Variants in NRP1 observed in about 807,000 individuals in gnomAD.
NRP1 encodes neuropilin 1.
In NRP1, 35 loss-of-function variants were observed where a neutral mutation model predicts 106.7. That is an observed-to-expected ratio of 0.33 (90% CI 0.25 to 0.43). The LOEUF (loss-of-function observed/expected upper bound fraction) is 0.43, where lower values mean the gene tolerates loss of function less well. Ranked by LOEUF, NRP1 falls within the 20% of genes least tolerant of loss-of-function variation. NRP1 has a pLI of 1.00. For missense variants in NRP1, 1,024 were observed against 1,170.4 expected (o/e 0.87, Z 1.83); for synonymous variants, 437 against 417.9 (o/e 1.05, Z -0.56).
chr10:33,179,743 C>T lies in NRP1; in HGVS notation c.*333G>A. ...CAGCATCTTGGATTTCGCTCAGTTT[C>T]CAAAAAGAATCCACAAAGGGGAGAG... On this transcript the variant is annotated 3_prime_UTR_variant, in exon 17 of 17. Coordinates refer to ENST00000374867, the MANE Select transcript of NRP1 (RefSeq NM_003873.7). 1 of 250,498 alleles carries T rather than the reference C, an allele frequency of 4.0e-6. No individual in the cohort carries two copies. The highest frequency in any genetic ancestry group is 5.0e-5 in the Admixed American group (1 of 20,128). The allele number at this position is 250,498 out of a possible 1,614,324, so 15.5% of individuals were successfully genotyped here.
chr10:33,329,919 T>G (rs1358640087), intron 2 of NRP1, among the ~76,000 whole-genome samples: 1 of 152,328 alleles, frequency 6.6e-6, no homozygotes, highest in South Asian at 2.1e-4. Flanking sequence ...TACCAGTTCT[T>G]TCACATAAAG....
At chr10:33,233,382 C>A (rs192612187) in intron 6 of NRP1, among the ~76,000 whole-genome samples, 5 of 152,168 alleles carry the variant, frequency 3.3e-5, no homozygotes, top group Admixed American at 6.5e-5. Context: ...GAAACACATT[C>A]CCCAGACAAA....
Position 33,334,407 on chromosome 10 carries a change from A to G in NRP1, c.-25T>C. 1 of 1,538,736 alleles carries G rather than the reference A, an allele frequency of 6.5e-7. No individual in the cohort carries two copies. Among genetic ancestry groups the G allele is most frequent in the Non-Finnish European group, 8.7e-7 (1 of 1,143,480 alleles). ...TTCTCCCTTCTCCGGGTCCGCAGGCAGACGCGGGAGAACGAGGACGTGGGG... is the reference window on the plus strand; with the variant it reads ...TTCTCCCTTCTCCGGGTCCGCAGGCGGACGCGGGAGAACGAGGACGTGGGG... On this transcript the variant is annotated 5_prime_UTR_variant, in exon 1 of 17. Transcript: ENST00000374867.
In NRP1 at chr10:33,334,548, C is replaced by G; in HGVS notation, c.-166G>C. 1 of 564,360 alleles carries G rather than the reference C, an allele frequency of 1.8e-6. No homozygotes were observed. Among genetic ancestry groups the G allele is most frequent in the Non-Finnish European group, 3.0e-6 (1 of 327,956 alleles). 35.0% of individuals were successfully genotyped at this position (564,360 alleles called of 1,614,324 possible). ...AAAGCAGCGAGGCAATGCCTGGATC[C>G]GAGAGGAACGCTTCTCTTTTTGTGT... On this transcript the variant is annotated 5_prime_UTR_variant, in exon 1 of 17. Transcript: ENST00000374867.
chr10:33,285,332 T>C (rs1296556959), intron 2 of NRP1, among the ~76,000 whole-genome samples: 2 of 152,136 alleles, frequency 1.3e-5, no homozygotes, highest in Admixed American at 6.5e-5. Context: ...ATTTTATAGA[T>C]GGAAAAACTG....
At chr10:33,307,244 G>C (rs1446550502) in intron 2 of NRP1, among the ~76,000 whole-genome samples, 2 of 152,166 alleles carry the variant, frequency 1.3e-5, no homozygotes, top group Admixed American at 1.3e-4. Context: ...TTAAGACAGA[G>C]GTCAGCAAAC....
chr10:33,300,221 A>C (rs566475469), intron 2 of NRP1, among the ~76,000 whole-genome samples: 2 of 152,326 alleles, frequency 1.3e-5, no homozygotes, highest in East Asian at 3.9e-4. Flanking sequence ...CAAGGGGACA[A>C]GAAAGTTCCT....
chr10:33,223,409 C>G (rs1005347326), intron 7 of NRP1, among the ~76,000 whole-genome samples: 7 of 151,620 alleles, frequency 4.6e-5, no homozygotes. Flanking sequence ...TTGCTTGAGG[C>G]CAGGAGTTTG....
chr10:33,233,150 G>A (rs980962196), intron 6 of NRP1, among the ~76,000 whole-genome samples: 15 of 152,118 alleles, frequency 9.9e-5, no homozygotes, highest in African/African-American at 3.6e-4. Context: ...GAAACCCCAA[G>A]CCTTTCCTTC....
intron 6 of NRP1, among the ~76,000 whole-genome samples, chr10:33,234,686 G>A (rs907097072): frequency 3.3e-5 from 5 of 152,116 alleles, no homozygotes; most frequent in East Asian, 3.9e-4. Context: ...GAAGAACAGC[G>A]CAAGGCAGGA....
rs751789763 is a variant in NRP1 at position 33,330,752 on chromosome 10, C to T, written c.204G>A (p.Met68Ile). 1 of 1,613,582 alleles carries T rather than the reference C, an allele frequency of 6.2e-7. No individual in the cohort carries two copies. Among genetic ancestry groups the T allele is most frequent in the South Asian group, 1.1e-5 (1 of 90,968 alleles). The change falls in exon 2 of 17, where the codon ATG becomes ATA. Residue 68 changes from methionine (M) to isoleucine (I), a missense_variant. Transcript: ENST00000374867. ...IQAPDPYQRIMINFNPHFDLE... is the reference protein window; with the variant it reads ...IQAPDPYQRIIINFNPHFDLE... Reference sequence around the variant, plus strand: ...AATCGAAGTGAGGGTTGAAGTTGATCATAATTCTCTGGTATGGGTCCGGAG... The same window carrying T: ...AATCGAAGTGAGGGTTGAAGTTGATTATAATTCTCTGGTATGGGTCCGGAG...
chr10:33,194,595 C>T, intron 12 of NRP1: 2 of 409,348 alleles, frequency 4.9e-6, no homozygotes, highest in Non-Finnish European at 1.0e-5. Context: ...CAATGTCCTT[C>T]CCCATCCTGT....
At chr10:33,298,698 G>A (rs377320660) in intron 2 of NRP1, among the ~76,000 whole-genome samples, 1 of 152,026 alleles carries the variant, frequency 6.6e-6, no homozygotes, top group East Asian at 1.9e-4. Context: ...TGTATTCTTA[G>A]GCAGATCTTT....
intron 12 of NRP1, among the ~76,000 whole-genome samples, chr10:33,193,751 C>A (rs991172195): frequency 1.3e-5 from 2 of 152,158 alleles, no homozygotes; most frequent in African/African-American, 4.8e-5. Flanking sequence ...CATGGCCCCT[C>A]CCCCAATGGC....
At position 33,186,399 on chromosome 10, in the gene NRP1, A is replaced by G. The variant is rs746941565; in HGVS notation, c.2152T>C (p.Ser718Pro). Residue 718 changes from serine to proline, a missense_variant, in exon 14 of 17, where the codon TCT (serine) becomes CCT (proline). Ser to Pro is a moderately conservative substitution (Grantham distance 74). Coordinates refer to ENST00000374867, the MANE Select transcript of NRP1 (RefSeq NM_003873.7). ...TACCAGAAGGTCATGCAGTGGGCAG[A>G]GTTCTGGGAATAAACCACAGGGCTC... Reference protein sequence around the residue: ...LVSPVVYSQNSAHCMTFWYHM... With the variant: ...LVSPVVYSQNPAHCMTFWYHM... 2.5e-6 allele frequency: 4 copies of G among 1,614,158 alleles called. No homozygotes were observed. Among genetic ancestry groups the G allele is most frequent in the Non-Finnish European group, 3.4e-6 (4 of 1,180,026 alleles).
At chr10:33,254,287 A>C in intron 5 of NRP1, 93 bp from the exon 6 acceptor site, 1 of 1,145,154 alleles carries the variant, frequency 8.7e-7, no homozygotes, top group Non-Finnish European at 1.2e-6. Context: ...GAGTTCTTTC[A>C]TTCAAAATTC....
chr10:33,182,853 A>G (rs1835773284), intron 15 of NRP1, 105 bp from the exon 16 acceptor site: 3 of 806,254 alleles, frequency 3.7e-6, no homozygotes, highest in Non-Finnish European at 6.4e-6. Context: ...ACACACACAC[A>G]CACACACACG....
chr10:33,221,278 A>C (rs1839221763), intron 8 of NRP1, among the ~76,000 whole-genome samples: 3 of 152,210 alleles, frequency 2.0e-5, no homozygotes, highest in South Asian at 4.1e-4. Context: ...ACTTATTGTA[A>C]ATCTACTAAG....
chr10:33,262,302 T>C (rs1168137011), intron 4 of NRP1, among the ~76,000 whole-genome samples: 8 of 152,240 alleles, frequency 5.3e-5, no homozygotes, highest in Non-Finnish European at 5.9e-5. Context: ...TTTTGCCATT[T>C]ACCTTCTAAT....
Sources: allele counts gnomAD v4.1 joint callset (sites outside exome capture counted in the v4.1 genomes callset), GRCh38; gene constraint gnomAD v4.1.1; transcripts MANE v1.5; gene names NCBI Gene and HGNC (gene_info 2026-07-23, HGNC 2026-07-21).